The following ZMIZ1 variants were observed in gnomAD, a reference collection of about 807,000 sequenced individuals.
ZMIZ1 encodes the protein zinc finger MIZ-type containing 1, also known as zinc finger MIZ domain-containing protein 1.
ZMIZ1 carries 17 observed loss-of-function variants against 113.9 expected under a neutral mutation model. The ratio of observed to expected loss-of-function variants is 0.15; its 90% CI spans 0.10 to 0.22. ZMIZ1 has a LOEUF of 0.22. Ranked by LOEUF, ZMIZ1 falls within the 10% of genes least tolerant of loss-of-function variation. The pLI, the probability that ZMIZ1 is intolerant of heterozygous loss-of-function variation, is 1.00. For synonymous variants in ZMIZ1, 607 were observed against 603.1 expected (o/e 1.01, Z -0.09); for missense variants, 1,059 against 1,477.8 (o/e 0.72, Z 4.65).
chr10:79,082,481 C>G (rs1336203525), intron 1 of ZMIZ1, among the ~76,000 whole-genome samples: 1 of 152,134 alleles, frequency 6.6e-6, no homozygotes, highest in African/African-American at 2.4e-5. Context: ...CCCCTAAGAC[C>G]CAAAGATGCC....
At chr10:79,175,033 G>A (rs953943481) in intron 4 of ZMIZ1, among the ~76,000 whole-genome samples, 3 of 152,232 alleles carry the variant, frequency 2.0e-5, no homozygotes, top group Non-Finnish European at 2.9e-5. Flanking sequence ...GGAAAGAGAA[G>A]AGCCAATGTG....
At chr10:79,236,199 C>T (rs1385542363) in intron 7 of ZMIZ1, among the ~76,000 whole-genome samples, 1 of 152,158 alleles carries the variant, frequency 6.6e-6, no homozygotes, top group Non-Finnish European at 1.5e-5. Context: ...GTGAGTGGCC[C>T]CAAATCTTTT....
intron 1 of ZMIZ1, among the ~76,000 whole-genome samples, chr10:79,094,954 G>GAAA (rs763911221): frequency 1.4e-5 from 2 of 139,664 alleles, no homozygotes; most frequent in Non-Finnish European, 3.1e-5. Context: ...GCCCCTCCTG[G>GAAA]AAAAAAAAAA....
intron 4 of ZMIZ1, among the ~76,000 whole-genome samples, chr10:79,172,062 C>T (rs947787484): frequency 6.6e-6 from 1 of 152,126 alleles, no homozygotes; most frequent in Admixed American, 6.5e-5. Context: ...GAGCTCAGGT[C>T]AGGAAGCAGC....
At chr10:79,236,791 G>T (rs562471967) in intron 7 of ZMIZ1, among the ~76,000 whole-genome samples, 1 of 152,322 alleles carries the variant, frequency 6.6e-6, no homozygotes, top group East Asian at 1.9e-4. Context: ...CAGGCAGCTG[G>T]TCCTTGTTTC....
rs1167498028 is a variant in ZMIZ1, at chr10:79,251,540, C to T, written c.281-25641C>T. On this transcript the variant is annotated intron_variant, in intron 7 of 24. Coordinates refer to ENST00000334512, the MANE Select transcript of ZMIZ1 (RefSeq NM_020338.4). Reference sequence around the variant, plus strand: ...TCCCCCAACCCCTCACCCCATACATCTGTTGGGGGTACCTTTTCTCCAGCA... The same window carrying T: ...TCCCCCAACCCCTCACCCCATACATTTGTTGGGGGTACCTTTTCTCCAGCA... Among the ~76,000 whole-genome samples the T allele has an allele frequency of 2.6e-5, 4 of 152,196 alleles. No homozygotes were observed. In the East Asian group the frequency reaches 5.8e-4, roughly 22 times the overall value.
chr10:79,312,221 G>T (rs1855220332), intron 24 of ZMIZ1, among the ~76,000 whole-genome samples: 1 of 152,248 alleles, frequency 6.6e-6, no homozygotes, highest in Admixed American at 6.5e-5. Context: ...TGGGGGGTTG[G>T]GGGCGGTGCA....
chr10:79,311,583 GGT>G (rs1855170319), intron 24 of ZMIZ1, among the ~76,000 whole-genome samples: 1 of 152,102 alleles, frequency 6.6e-6, no homozygotes, highest in South Asian at 2.1e-4. Flanking sequence ...CTGCCTCGCT[GGT>G]GTGTGTCTGT....
At chr10:79,267,615 C>T (rs1007028404) in intron 7 of ZMIZ1, among the ~76,000 whole-genome samples, 3 of 152,224 alleles carry the variant, frequency 2.0e-5, no homozygotes, top group African/African-American at 7.2e-5. Flanking sequence ...ACAGCTGCTA[C>T]GTGGCTGAGC....
chr10:79,269,180 T>C (rs1479705281), intron 7 of ZMIZ1, among the ~76,000 whole-genome samples: 1 of 151,988 alleles, frequency 6.6e-6, no homozygotes, highest in African/African-American at 2.4e-5. Context: ...CGCTGCGGAG[T>C]GGCGCCACTC....
At chr10:79,096,973 A>G (rs965057676) in intron 1 of ZMIZ1, among the ~76,000 whole-genome samples, 2 of 152,242 alleles carry the variant, frequency 1.3e-5, no homozygotes, top group Non-Finnish European at 2.9e-5. Flanking sequence ...AAGAGAGCAC[A>G]CAGGCAGAGG....
intron 4 of ZMIZ1, among the ~76,000 whole-genome samples, chr10:79,186,526 G>A (rs1469261290): frequency 6.6e-6 from 1 of 152,180 alleles, no homozygotes; most frequent in Non-Finnish European, 1.5e-5. Context: ...GTCAGATCTT[G>A]CTATTAGCAT....
intron 7 of ZMIZ1, among the ~76,000 whole-genome samples, chr10:79,241,721 A>C (rs1393362378): frequency 6.6e-6 from 1 of 152,228 alleles, no homozygotes; most frequent in Admixed American, 6.5e-5. Context: ...AACAAGGAGC[A>C]AGAACATTAT....
intron 1 of ZMIZ1, among the ~76,000 whole-genome samples, chr10:79,088,212 G>T (rs1589256734): frequency 1.3e-5 from 2 of 152,256 alleles, no homozygotes; most frequent in East Asian, 3.9e-4. Flanking sequence ...CAAAGCTACT[G>T]GGTCTGAGGA....
intron 1 of ZMIZ1, among the ~76,000 whole-genome samples, chr10:79,106,135 C>T (rs985263683): frequency 6.6e-6 from 1 of 152,150 alleles, no homozygotes; most frequent in Admixed American, 6.5e-5. Context: ...AAACCAAATC[C>T]CCCCACCCCC....
At chr10:79,305,043 G>C in intron 19 of ZMIZ1, 121 bp from the exon 20 acceptor site, 1 of 1,105,282 alleles carries the variant, frequency 9.0e-7, no homozygotes, top group Non-Finnish European at 1.4e-6. Flanking sequence ...GCCCCAGCCC[G>C]GGGTTTCTCC....
intron 4 of ZMIZ1, among the ~76,000 whole-genome samples, chr10:79,196,817 T>C (rs935381253): frequency 3.3e-5 from 5 of 152,140 alleles, no homozygotes; most frequent in South Asian, 4.1e-4. Flanking sequence ...TCTTGAGAGG[T>C]AGACCCTTAT....
intron 4 of ZMIZ1, among the ~76,000 whole-genome samples, chr10:79,179,842 GC>G (rs1435560908): frequency 6.6e-6 from 1 of 152,214 alleles, no homozygotes; most frequent in Non-Finnish European, 1.5e-5. Flanking sequence ...CAAGGCCGAG[GC>G]AGGTGGGGAC....
At chr10:79,071,777 G>A (rs1332847072) in intron 1 of ZMIZ1, among the ~76,000 whole-genome samples, 1 of 152,204 alleles carries the variant, frequency 6.6e-6, no homozygotes, top group Non-Finnish European at 1.5e-5. Context: ...GCACGTGTGA[G>A]TTGGGGGCCC....
Sources: allele counts gnomAD v4.1 joint callset (sites outside exome capture counted in the v4.1 genomes callset), GRCh38; gene constraint gnomAD v4.1.1; transcripts MANE v1.5; gene names NCBI Gene and HGNC (gene_info 2026-07-23, HGNC 2026-07-21).